Variants in ENTREP1 observed in about 807,000 individuals in gnomAD.
ENTREP1 encodes the protein endosomal transmembrane epsin interactor 1, also known as Friedreich ataxia region gene X123.
At chr9:69,352,086 T>C in the ENTREP1 span, among the ~76,000 whole-genome samples, 3 of 152,146 alleles carry the variant, frequency 2.0e-5, no homozygotes, top group African/African-American at 7.2e-5. Context: ...TGATTCTGAT[T>C]GACATCTAGG....
At chr9:69,367,390 A>T in the ENTREP1 span, among the ~76,000 whole-genome samples, 12 of 151,560 alleles carry the variant, frequency 7.9e-5, no homozygotes, top group African/African-American at 2.9e-4. Flanking sequence ...ATTTCTGTGA[A>T]AAATGTCATT....
At chr9:69,362,872 C>T in the ENTREP1 span, among the ~76,000 whole-genome samples, 1 of 152,204 alleles carries the variant, frequency 6.6e-6, no homozygotes, top group Non-Finnish European at 1.5e-5. Flanking sequence ...ACATCGGACT[C>T]CGAGTTCTTC....
At chr9:69,340,365 A>T in the ENTREP1 span, among the ~76,000 whole-genome samples, 1 of 152,136 alleles carries the variant, frequency 6.6e-6, no homozygotes, top group Non-Finnish European at 1.5e-5. Flanking sequence ...TACCTTGATG[A>T]CATCAGGTTT....
the ENTREP1 span, among the ~76,000 whole-genome samples, chr9:69,331,260 G>A: frequency 6.6e-6 from 1 of 152,184 alleles, no homozygotes; most frequent in South Asian, 2.1e-4. Flanking sequence ...TTTGATAAAT[G>A]ATTCAGAACA....
chr9:69,362,458 A>C, the ENTREP1 span, among the ~76,000 whole-genome samples: 1 of 152,246 alleles, frequency 6.6e-6, no homozygotes, highest in Non-Finnish European at 1.5e-5. Context: ...TGAATTCAAA[A>C]TACTGAATTG....
At chr9:69,376,754 A>C in the ENTREP1 span, among the ~76,000 whole-genome samples, 1 of 152,184 alleles carries the variant, frequency 6.6e-6, no homozygotes, top group Non-Finnish European at 1.5e-5. Flanking sequence ...GCCAGGACTT[A>C]GCTTGGGGAA....
At chr9:69,351,981 T>C in the ENTREP1 span, among the ~76,000 whole-genome samples, 276 of 152,362 alleles carry the variant, frequency 1.8e-3, 5 homozygotes, top group Admixed American at 0.018. Context: ...TCTTGTGTTA[T>C]TATGCCATAT....
At chr9:69,325,441 C>A in the ENTREP1 span, 1 of 962,682 alleles carries the variant, frequency 1.0e-6, no homozygotes, top group Non-Finnish European at 1.2e-6. Context: ...TGCGGCCGCG[C>A]TGGCCCCGGG....
the ENTREP1 span, among the ~76,000 whole-genome samples, chr9:69,340,723 A>ATG: frequency 0.02 from 1,008 of 51,350 alleles, 26 homozygotes; most frequent in Non-Finnish European, 0.028. Context: ...GTGTGCATGC[A>ATG]TGTGTGTGTG....
At chr9:69,382,061 AG>A in the ENTREP1 span, 2 of 152,400 alleles carry the variant, frequency 1.3e-5, no homozygotes, top group African/African-American at 4.8e-5. Context: ...GAAGAAATAC[AG>A]ATGTCATTTG....
the ENTREP1 span, among the ~76,000 whole-genome samples, chr9:69,350,915 A>T: frequency 6.6e-6 from 1 of 152,174 alleles, no homozygotes; most frequent in African/African-American, 2.4e-5. Context: ...AAAATCAATA[A>T]AATTTGATTT....
At chr9:69,377,487 T>C in the ENTREP1 span, 12,105 of 1,611,494 alleles carry the variant, frequency 7.5e-3, 733 homozygotes, top group African/African-American at 0.14. Context: ...CGTAAGTCTA[T>C]GCAAGGGCAT....
chr9:69,387,985 A>T, the ENTREP1 span: 1 of 1,473,178 alleles, frequency 6.8e-7, no homozygotes, highest in Non-Finnish European at 9.0e-7. Flanking sequence ...GACTTCAGGG[A>T]ATAACCTTGT....
the ENTREP1 span, among the ~76,000 whole-genome samples, chr9:69,351,771 C>G: frequency 6.6e-6 from 1 of 152,188 alleles, no homozygotes; most frequent in Non-Finnish European, 1.5e-5. Flanking sequence ...AGAACATCTA[C>G]AAATCAGATG....
At chr9:69,337,779 G>A in the ENTREP1 span, among the ~76,000 whole-genome samples, 1 of 151,984 alleles carries the variant, frequency 6.6e-6, no homozygotes, top group African/African-American at 2.4e-5. Context: ...TTGAATTGTG[G>A]TATACTTAAA....
chr9:69,383,973 A>T, the ENTREP1 span: 20 of 1,613,966 alleles, frequency 1.2e-5, no homozygotes, highest in Non-Finnish European at 1.7e-5. Context: ...TGTCAGAAGG[A>T]TCAGAAGCTG....
the ENTREP1 span, among the ~76,000 whole-genome samples, chr9:69,344,725 C>T: frequency 6.6e-6 from 1 of 152,252 alleles, no homozygotes; most frequent in Admixed American, 6.5e-5. Flanking sequence ...TGCACTGTAG[C>T]CCTGGGGCCA....
chr9:69,363,505 TCA>T, the ENTREP1 span, among the ~76,000 whole-genome samples: 1 of 152,184 alleles, frequency 6.6e-6, no homozygotes, highest in African/African-American at 2.4e-5. Context: ...AAGGGACGAC[TCA>T]CAAAGATATG....
At chr9:69,326,998 C>T in the ENTREP1 span, among the ~76,000 whole-genome samples, 3 of 110,214 alleles carry the variant, frequency 2.7e-5, no homozygotes, top group African/African-American at 1.1e-4. Flanking sequence ...TACTGCAATT[C>T]AAGACCAAAT....
Sources: gnomAD v4.1 joint callset for allele counts (sites outside exome capture counted in the v4.1 genomes callset) on GRCh38, gnomAD v4.1.1 for gene constraint, MANE v1.5 for transcripts, NCBI Gene and HGNC (gene_info 2026-07-23, HGNC 2026-07-21) for gene names.